SUMF1: variants seen among roughly 807,000 people sequenced by gnomAD.
The protein encoded by SUMF1 is sulfatase modifying factor 1.
Under a neutral mutation model 47.6 loss-of-function variants are expected in SUMF1, and 48 were observed. That is an observed-to-expected ratio of 1.01 (90% CI 0.80 to 1.28). The LOEUF (loss-of-function observed/expected upper bound fraction) is 1.28. SUMF1 is among the 50% of genes most tolerant of loss of function. The pLI is 0.00. For synonymous variants in SUMF1, 230 were observed against 192.1 expected, an observed-to-expected ratio of 1.20 and a Z score of -1.63; for missense variants, 571 against 485.4, an observed-to-expected ratio of 1.18 and a Z score of -1.66.
intron 8 of SUMF1, chr3:4,229,281 G>C: frequency 2.8e-6 from 1 of 353,940 alleles, no homozygotes; most frequent in Non-Finnish European, 5.5e-6. Flanking sequence ...TCCTTCATAT[G>C]CTAGCAACTA....
At chr3:4,166,332 C>CCA (rs1694706003) in intron 8 of SUMF1, among the ~76,000 whole-genome samples, 1 of 152,070 alleles carries the variant, frequency 6.6e-6, no homozygotes, top group Non-Finnish European at 1.5e-5. Context: ...TGCCTTTTGT[C>CCA]CACACTTCTC....
At chr3:4,087,638 G>T (rs528958974) in intron 8 of SUMF1, among the ~76,000 whole-genome samples, 1 of 152,110 alleles carries the variant, frequency 6.6e-6, no homozygotes, top group South Asian at 2.1e-4. Flanking sequence ...AAGACAGTAG[G>T]AGAAATGGCC....
At chr3:4,164,643 T>C (rs1252670619) in intron 8 of SUMF1, among the ~76,000 whole-genome samples, 3 of 152,182 alleles carry the variant, frequency 2.0e-5, no homozygotes, top group Admixed American at 6.5e-5. Context: ...CTGAGGGCCA[T>C]GACTAAGGCT....
intron 3 of SUMF1, among the ~76,000 whole-genome samples, chr3:4,435,021 A>G (rs113483204): frequency 0.036 from 5,527 of 152,280 alleles, 189 homozygotes; most frequent in African/African-American, 0.089. Context: ...TCCGCCACCC[A>G]GGTTCAAGTG....
At chr3:4,436,088 C>T (rs1205363705) in intron 3 of SUMF1, among the ~76,000 whole-genome samples, 1 of 152,194 alleles carries the variant, frequency 6.6e-6, no homozygotes, top group African/African-American at 2.4e-5. Flanking sequence ...TTGAGACCAG[C>T]CTGGGCAACA....
chr3:4,381,384 G>C (rs959355513), intron 7 of SUMF1, among the ~76,000 whole-genome samples: 1 of 152,204 alleles, frequency 6.6e-6, no homozygotes, highest in African/African-American at 2.4e-5. Flanking sequence ...ATCGGGTGCA[G>C]TGTGCACTGC....
chr3:4,212,588 G>A (rs1574983275), intron 8 of SUMF1, among the ~76,000 whole-genome samples: 2 of 152,280 alleles, frequency 1.3e-5, no homozygotes, highest in South Asian at 4.1e-4. Context: ...GTAAGCTTTA[G>A]AAGGTGGTAA....
chr3:4,380,354 A>G (rs1700464369), intron 7 of SUMF1, among the ~76,000 whole-genome samples: 1 of 152,254 alleles, frequency 6.6e-6, no homozygotes, highest in Non-Finnish European at 1.5e-5. Context: ...TCTCACTTAT[A>G]AATGGGAGCT....
intron 8 of SUMF1, among the ~76,000 whole-genome samples, chr3:4,295,939 G>A (rs376600415): frequency 2.0e-4 from 31 of 152,166 alleles, no homozygotes; most frequent in African/African-American, 7.2e-4. Flanking sequence ...GGACAAGATG[G>A]AAGTTTTTTT....
At chr3:4,034,790 G>C (rs1694762378) in intron 9 of SUMF1, among the ~76,000 whole-genome samples, 1 of 151,972 alleles carries the variant, frequency 6.6e-6, no homozygotes, top group African/African-American at 2.4e-5. Flanking sequence ...ATAGAGGTAG[G>C]TATAAGTAGA....
intron 8 of SUMF1, among the ~76,000 whole-genome samples, chr3:4,089,629 G>C (rs554052333): frequency 6.6e-6 from 1 of 152,188 alleles, no homozygotes; most frequent in South Asian, 2.1e-4. Context: ...CAGAACAAGG[G>C]AAGAATAATA....
intron 7 of SUMF1, among the ~76,000 whole-genome samples, chr3:4,393,251 GC>G (rs965827361): frequency 2.0e-5 from 3 of 152,102 alleles, no homozygotes; most frequent in African/African-American, 7.2e-5. Context: ...GGCTTTCAGT[GC>G]CCCCATCCTC....
At chr3:4,083,111 C>T (rs1015747189) in intron 8 of SUMF1, among the ~76,000 whole-genome samples, 4 of 152,056 alleles carry the variant, frequency 2.6e-5, no homozygotes, top group African/African-American at 9.7e-5. Flanking sequence ...ATAAACATGC[C>T]CAGACTGAAA....
intron 8 of SUMF1, among the ~76,000 whole-genome samples, chr3:4,202,238 T>A (rs1315533233): frequency 1.3e-5 from 2 of 152,120 alleles, no homozygotes; most frequent in East Asian, 3.8e-4. Context: ...TAGTTTGAAG[T>A]CTTAGACTTA....
At chr3:4,329,080 G>A (rs1699000326) in intron 8 of SUMF1, among the ~76,000 whole-genome samples, 1 of 152,192 alleles carries the variant, frequency 6.6e-6, no homozygotes, top group Non-Finnish European at 1.5e-5. Flanking sequence ...ATGGTCTTGG[G>A]CATCTCTGCC....
At chr3:4,405,706 T>C (rs1207058681) in intron 7 of SUMF1, among the ~76,000 whole-genome samples, 1 of 152,166 alleles carries the variant, frequency 6.6e-6, no homozygotes, top group Admixed American at 6.5e-5. Flanking sequence ...GTCAATTCCA[T>C]ACATCAAACA....
chr3:4,282,250 G>A (rs1258462868), intron 8 of SUMF1, among the ~76,000 whole-genome samples: 1 of 152,022 alleles, frequency 6.6e-6, no homozygotes, highest in Non-Finnish European at 1.5e-5. Flanking sequence ...GCTGCAGAAA[G>A]AAATCACATT....
chr3:4,205,854 G>A lies in SUMF1; in HGVS notation c.1015-137109C>T, dbSNP rs111937084. ...AAGCATCCCTATGGCCACTACCACT[G>A]GGGATGTGCTGGGTCACATCTGAAG... On this transcript the variant is annotated intron_variant and NMD_transcript_variant, in intron 8 of 12. Transcript: ENST00000448413. Among the ~76,000 whole-genome samples, 6 of 152,210 alleles carry A rather than the reference G, an allele frequency of 3.9e-5. 1 individual carries two copies. Among genetic ancestry groups the A allele is most frequent in the South Asian group, 2.1e-4 (1 of 4,814 alleles).
chr3:4,167,882 T>A lies in SUMF1; in HGVS notation c.1015-99137A>T, dbSNP rs541612222. On this transcript the variant is annotated intron_variant and NMD_transcript_variant, in intron 8 of 12. Transcript: ENST00000448413. ...CATCTCTTTGTCACTTGCTAACTAC[T>A]TTTTAGATATAGGAGGAAGATAAAG... 2.0e-5 allele frequency among the ~76,000 whole-genome samples: 3 copies of A among 152,308 alleles called. No individual in the cohort carries two copies. The East Asian group carries it at 5.8e-4, about 29-fold the overall frequency.
Sources: gnomAD v4.1 joint callset for allele counts (sites outside exome capture counted in the v4.1 genomes callset) on GRCh38, gnomAD v4.1.1 for gene constraint, MANE v1.5 for transcripts, NCBI Gene and HGNC (gene_info 2026-07-23, HGNC 2026-07-21) for gene names.